COL16A1: variants seen among roughly 807,000 people sequenced by gnomAD.
COL16A1 encodes the protein collagen type XVI alpha 1 chain.
A neutral mutation model predicts 266.3 loss-of-function variants in COL16A1; 189 were observed. The observed-to-expected ratio is 0.71, with a 90% CI of 0.63 to 0.80. The LOEUF is 0.80. Ranked by LOEUF, COL16A1 falls within the 30% of genes least tolerant of loss-of-function variation. The pLI is 0.00. For missense variants in COL16A1, 1,928 were observed against 2,122.4 expected, an observed-to-expected ratio of 0.91 and a Z score of 1.80; for synonymous variants, 740 against 782.3, an observed-to-expected ratio of 0.95 and a Z score of 0.90.
rs2148840366 is a variant in COL16A1 at position 31,702,102 on chromosome 1, C to T, written c.73+19G>A. 1 of 1,614,030 alleles carries T rather than the reference C, an allele frequency of 6.2e-7. No homozygotes were observed. Among genetic ancestry groups the T allele is most frequent in the Admixed American group, 1.7e-5 (1 of 60,024 alleles). On this transcript the variant is annotated intron_variant, in intron 2 of 70. Coordinates refer to ENST00000373672, the MANE Select transcript of COL16A1 (RefSeq NM_001856.4). The stretch of plus-strand genomic sequence containing the variant: ...CAGTTGCAGGCCTGTGATACTGTGA[C>T]TCTCCTGTGTCATCTCACCTGTATT...
rs1417261811 is a variant in COL16A1 at position 31,691,441 on chromosome 1, A to G, written c.1374T>C (p.Pro458=). ...CCGGGGTCCCAGGCAGTCCTATCCC[A>G]GGGGGTCCAGGGAGGCCGGGGGGCC... ...EPGPPGLPGP[P]GIGLPGTPGD... Residue 458 remains proline (P), a synonymous_variant, in exon 19 of 71, where the codon CCT becomes CCC. Coordinates refer to ENST00000373672, the MANE Select transcript of COL16A1 (RefSeq NM_001856.4). 6.2e-7 allele frequency: 1 copy of G among 1,612,668 alleles called. No homozygotes were observed. Among genetic ancestry groups the G allele is most frequent in the African/African-American group, 1.3e-5 (1 of 75,000 alleles).
rs1301275554 is a variant in COL16A1 at position 31,670,610 on chromosome 1, CG to C, written c.3186del (p.Gly1063AspfsTer14). The stretch of plus-strand genomic sequence containing the variant: ...CAGCGCTAGGTTCTTACAGGCAATC[CG>C]GGGGAGCCAACAGCACCAGGAAAAC... ...PPGFPGAVGS[P>X]GLPGLQGERG... On this transcript the variant is annotated frameshift_variant, in exon 49 of 71. Coordinates refer to ENST00000373672, the MANE Select transcript of COL16A1 (RefSeq NM_001856.4). LOFTEE classifies it high-confidence loss of function. This position sits in a 1 kb window ranked among gnomAD's most constrained non-coding sequence, Gnocchi z 4.5. The C allele has an allele frequency of 3.5e-6, 5 of 1,410,136 alleles. No homozygotes were observed. Among genetic ancestry groups the C allele is most frequent in the South Asian group, 3.3e-5 (2 of 60,984 alleles). 87.4% of individuals were successfully genotyped at this position (1,410,136 alleles called of 1,614,324 possible).
Position 31,672,598 on chromosome 1 carries a change from G to A in COL16A1, c.3016C>T (p.Arg1006Trp), listed in dbSNP as rs35986497. Residue 1006 changes from arginine (R) to tryptophan (W), a missense_variant and splice_region_variant, in exon 46 of 71, where the codon CGG becomes TGG. Physicochemically the swap from Arg to Trp is moderately radical, Grantham distance 101. Around this residue, in one of 2 missense-constraint regions of COL16A1, gnomAD observed 1,552 missense variants for 1,637.2 expected, o/e 0.95. Coordinates refer to ENST00000373672, the MANE Select transcript of COL16A1 (RefSeq NM_001856.4). ...GGGAGATAAGGCGAGGCACTCACCC[G>A]GGCCTCCTCGGCTCTTGGGCGCTCC... ...SLERPRAEEARGDNSEGDPGC... is the reference protein window; with the variant it reads ...SLERPRAEEAWGDNSEGDPGC... 820 of 1,606,832 alleles carry A rather than the reference G, an allele frequency of 5.1e-4. 4 individuals carry two copies. In the African/African-American group the frequency reaches 9.4e-3, roughly 18 times the overall value.
intron 2 of COL16A1, among the ~76,000 whole-genome samples, 155 bp from the exon 3 acceptor site, chr1:31,700,270 T>TC (rs1352038937): frequency 1.3e-5 from 2 of 152,146 alleles, no homozygotes; most frequent in African/African-American, 4.8e-5. Flanking sequence ...TGACCCTGGC[T>TC]CCCCAGGAAG....
Position 31,682,935 on chromosome 1 carries a change from G to A in COL16A1, c.2537C>T (p.Pro846Leu), listed in dbSNP as rs777561723. Residue 846 changes from proline to leucine, a missense_variant and splice_region_variant, in exon 37 of 71, where the codon CCG becomes CTG. By Grantham distance (98) the Pro-to-Leu change is moderately conservative. This residue lies in a region of COL16A1 where 1,552 missense variants were observed against 1,637.2 expected (regional missense o/e 0.95). Transcript: ENST00000373672. ...GPPGASVSGPPGRDGQQGQTG... is the reference protein window; with the variant it reads ...GPPGASVSGPLGRDGQQGQTG... ...GCATGGAGCACAGAGAAGACTTACC[G>A]GAGGCCCAGAGACACTGGCCCCAGG... The A allele has an allele frequency of 3.1e-6, 5 of 1,613,968 alleles. No homozygotes were observed. The highest frequency in any genetic ancestry group is 1.1e-5 in the South Asian group (1 of 91,072).
chr1:31,660,642 C>T lies in COL16A1; in HGVS notation c.3826-4G>A, dbSNP rs1207598074. 2 of 1,613,996 alleles carry T rather than the reference C, an allele frequency of 1.2e-6. No individual in the cohort carries two copies. Among genetic ancestry groups the T allele is most frequent in the African/African-American group, 1.3e-5 (1 of 75,040 alleles). On this transcript the variant is annotated splice_region_variant and splice_polypyrimidine_tract_variant and intron_variant, in intron 61 of 70. Coordinates refer to ENST00000373672, the MANE Select transcript of COL16A1 (RefSeq NM_001856.4). ...GTCCCATGGCACCAGGTTCACCCTG[C>T]AGGAGCCAGAAAAAGGAAAAAATGA... is the stretch of plus-strand genomic sequence containing the variant.
intron 37 of COL16A1, 115 bp downstream of exon 37, chr1:31,682,819 C>G: frequency 1.5e-6 from 2 of 1,340,948 alleles, no homozygotes; most frequent in Non-Finnish European, 2.1e-6. Context: ...TGAGGCCTCT[C>G]TCCTCCCATC....
intron 61 of COL16A1, 40 bp downstream of exon 61, chr1:31,661,026 A>T (rs964089766): frequency 6.5e-7 from 1 of 1,545,896 alleles, no homozygotes; most frequent in Non-Finnish European, 8.7e-7. Context: ...CAGAGTCTGA[A>T]GGCAAACTGA....
In COL16A1 at chr1:31,700,089, C is replaced by A; in HGVS notation, c.100G>T (p.Glu34Ter). Reference sequence around the variant, plus strand: ...CTACTGTGTTCCAATTTGAGTCCTTCCTGCTGTGAAGGTGGGCATTGTGCA... The same window carrying A: ...CTACTGTGTTCCAATTTGAGTCCTTACTGCTGTGAAGGTGGGCATTGTGCA... ...TGAQCPPSQQ[E>*]GLKLEHSSSL... Residue 34 changes from glutamate to a stop codon, truncating the protein, a stop_gained, in exon 3 of 71, where the codon GAA becomes TAA. Transcript: ENST00000373672. LOFTEE classifies it high-confidence loss of function. 6.2e-7 allele frequency: 1 copy of A among 1,614,174 alleles called. No individual in the cohort carries two copies. The highest frequency in any genetic ancestry group is 8.5e-7 in the Non-Finnish European group (1 of 1,180,030).
chr1:31,702,978 C>T (rs1038467190), intron 1 of COL16A1, among the ~76,000 whole-genome samples: 1 of 152,140 alleles, frequency 6.6e-6, no homozygotes, highest in Non-Finnish European at 1.5e-5. Flanking sequence ...AGCCATACAT[C>T]GTCTGGCCTC....
Position 31,671,598 on chromosome 1 carries a change from G to C in COL16A1, c.3150+17C>G. 2 of 1,614,026 alleles carry C rather than the reference G, an allele frequency of 1.2e-6. No individual in the cohort carries two copies. Among genetic ancestry groups the C allele is most frequent in the Non-Finnish European group, 1.7e-6 (2 of 1,179,986 alleles). Reference sequence around the variant, plus strand: ...TTGAGAGCTTCTCAAGCAGACCAGGGCACCACTGATACTTACGATAGGGCC... The same window carrying C: ...TTGAGAGCTTCTCAAGCAGACCAGGCCACCACTGATACTTACGATAGGGCC... On this transcript the variant is annotated intron_variant, in intron 48 of 70. Coordinates refer to ENST00000373672, the MANE Select transcript of COL16A1 (RefSeq NM_001856.4).
Position 31,658,915 on chromosome 1 carries a change from A to G in COL16A1, c.3929T>C (p.Val1310Ala). The change falls in exon 63 of 71, where the codon GTG (valine) becomes GCG (alanine). Residue 1310 changes from valine to alanine, a missense_variant and splice_region_variant. By Grantham distance (64) the Val-to-Ala change is moderately conservative. This residue lies in a region of COL16A1 where 376 missense variants were observed against 485.2 expected (regional missense o/e 0.77). Transcript: ENST00000373672. The stretch of plus-strand genomic sequence containing the variant: ...GAAGGAGTGGAGCATGTTACTCACC[A>G]CTGCAGAGATCCCAGCTGGTCCTGG... ...GQPGPAGISA[V>A]GLKGDRGATG... 6.4e-7 allele frequency: 1 copy of G among 1,553,106 alleles called. No individual in the cohort carries two copies. The highest frequency in any genetic ancestry group is 8.7e-7 in the Non-Finnish European group (1 of 1,147,860).
At chr1:31,682,853 G>A in intron 37 of COL16A1, 81 bp downstream of exon 37, 2 of 1,563,574 alleles carry the variant, frequency 1.3e-6, no homozygotes, top group Non-Finnish European at 1.8e-6. Context: ...GGATGGGCAG[G>A]GTCAGCCCTG....
In COL16A1 at chr1:31,697,207, C is replaced by T. The variant is rs140077884; in HGVS notation, c.738+13G>A. 2.3e-4 allele frequency: 377 copies of T among 1,613,312 alleles called. No homozygotes were observed. The African/African-American group carries it at 3.1e-3, about 13-fold the overall frequency. On this transcript the variant is annotated intron_variant, in intron 7 of 70. Transcript: ENST00000373672. This position sits in a 1 kb window ranked among gnomAD's most constrained non-coding sequence, Gnocchi z 4.2. ...AGTGTGTCCCTGGGCAGCCCAAGGGCCGGGCCACTCACCCCTGCTGGTAAA... is the reference window on the plus strand; with the variant it reads ...AGTGTGTCCCTGGGCAGCCCAAGGGTCGGGCCACTCACCCCTGCTGGTAAA...
rs1422078154 is a variant in COL16A1, at chr1:31,652,954, T to TG, written c.4613-102_4613-101insC. On this transcript the variant is annotated intron_variant, in intron 70 of 70. Coordinates refer to ENST00000373672, the MANE Select transcript of COL16A1 (RefSeq NM_001856.4). This position sits in a 1 kb window ranked among gnomAD's most constrained non-coding sequence, Gnocchi z 4.8. Reference sequence around the variant, plus strand: ...ATAATACCTTACATTTGATGACTGTTTCTCAAGTTACCACATGTTTTCATG... The same window carrying TG: ...ATAATACCTTACATTTGATGACTGTTGTCTCAAGTTACCACATGTTTTCATG... The TG allele has an allele frequency of 1.7e-6, 2 of 1,193,384 alleles. No individual in the cohort carries two copies. The highest frequency in any genetic ancestry group is 2.3e-5 in the South Asian group (1 of 44,174). 73.9% of individuals were successfully genotyped at this position (1,193,384 alleles called of 1,614,324 possible). A position where few individuals can be genotyped will look rare whatever the true frequency, so the allele number is the denominator to read the frequency against.
rs545302951 is a variant in COL16A1, at chr1:31,670,563, A to G, written c.3195+39T>C. ...AGCAAAAGCCACAGAGACCTGGCTG[A>G]CGGGGGGGAGGGGAGGTCGAGCAGC... On this transcript the variant is annotated intron_variant, in intron 49 of 70. Coordinates refer to ENST00000373672, the MANE Select transcript of COL16A1 (RefSeq NM_001856.4). This position sits in a 1 kb window ranked among gnomAD's most constrained non-coding sequence, Gnocchi z 4.5. 3 of 1,358,590 alleles carry G rather than the reference A, an allele frequency of 2.2e-6. No individual in the cohort carries two copies. The African/African-American group carries it at 4.6e-5, about 21-fold the overall frequency. The allele number at this position is 1,358,590 out of a possible 1,614,324, so 84.2% of individuals were successfully genotyped here. A position where few individuals can be genotyped will look rare whatever the true frequency, so the allele number is the denominator to read the frequency against.
chr1:31,680,579 C>G (rs1643560447), intron 39 of COL16A1, among the ~76,000 whole-genome samples: 1 of 152,180 alleles, frequency 6.6e-6, no homozygotes, highest in African/African-American at 2.4e-5. Flanking sequence ...TGACTCAGCC[C>G]CCATTTGAAA....
chr1:31,699,606 CAG>C (rs994739782), intron 4 of COL16A1, among the ~76,000 whole-genome samples: 1 of 152,202 alleles, frequency 6.6e-6, no homozygotes, highest in Non-Finnish European at 1.5e-5. Context: ...TGGCCAGAGA[CAG>C]GGGAAAGACA....
At position 31,683,331 on chromosome 1, in the gene COL16A1, T is replaced by C; in HGVS notation, c.2415+3A>G. 6.2e-7 allele frequency: 1 copy of C among 1,614,184 alleles called. No homozygotes were observed. The highest frequency in any genetic ancestry group is 1.3e-5 in the African/African-American group (1 of 75,058). On this transcript the variant is annotated splice_donor_region_variant and intron_variant, in intron 35 of 70. Transcript: ENST00000373672. ...TCCTCCTTCAGGACTCAGGCAGACG[T>C]ACCTGAATGCCAGGCAAACCCGGGG...
Sources: allele counts gnomAD v4.1 joint callset (sites outside exome capture counted in the v4.1 genomes callset), GRCh38; gene constraint gnomAD v4.1.1; regional missense constraint gnomAD v4.1.1; non-coding constraint Gnocchi (gnomAD v3.1); transcripts MANE v1.5; gene names NCBI Gene and HGNC (gene_info 2026-07-23, HGNC 2026-07-21).